The following STARD13 variants were observed in gnomAD, a reference collection of about 807,000 sequenced individuals.
STARD13 encodes the protein StAR related lipid transfer domain containing 13, also known as stAR-related lipid transfer protein 13.
In STARD13, 62 loss-of-function variants were observed where a neutral mutation model predicts 106.4. The ratio of observed to expected loss-of-function variants is 0.58; its 90% CI spans 0.48 to 0.72. The LOEUF (loss-of-function observed/expected upper bound fraction) is 0.72, where lower values mean the gene tolerates loss of function less well. STARD13 is among the 30% of genes least tolerant of loss of function. STARD13 has a pLI of 0.00. For missense variants in STARD13, 1,387 were observed against 1,424.0 expected (o/e 0.97, Z 0.42); for synonymous variants, 565 against 553.0 (o/e 1.02, Z -0.31).
the STARD13 span, among the ~76,000 whole-genome samples, chr13:33,517,880 C>A: frequency 6.6e-6 from 1 of 152,056 alleles, no homozygotes; most frequent in African/African-American, 2.4e-5. Flanking sequence ...CTCACAATAA[C>A]CAGACTGTAC....
At chr13:33,474,268 T>C in the STARD13 span, among the ~76,000 whole-genome samples, 15 of 152,292 alleles carry the variant, frequency 9.8e-5, no homozygotes, top group East Asian at 2.7e-3. Context: ...CTTTGGACTC[T>C]GGGGAGATAT....
chr13:33,277,362 A>G (rs1891499728), intron 1 of STARD13: 1 of 152,214 alleles, frequency 6.6e-6, no homozygotes, highest in African/African-American at 2.4e-5. Context: ...AGTTGTCTCC[A>G]TAACTAAAGC....
chr13:33,303,903 A>G lies in STARD13; in HGVS notation c.124+46387T>C, dbSNP rs761195520. Among the ~76,000 whole-genome samples, 113 of 152,296 alleles carry G rather than the reference A, an allele frequency of 7.4e-4. 1 individual carries two copies. Among genetic ancestry groups the G allele is most frequent in the Middle Eastern group, 6.8e-3 (2 of 294 alleles). ...GGACTCTTAGGAGACTTCAAATTCTATATTACTCAAGGTGAGGTCAAGAAC... is the reference window on the plus strand; with the variant it reads ...GGACTCTTAGGAGACTTCAAATTCTGTATTACTCAAGGTGAGGTCAAGAAC... On this transcript the variant is annotated intron_variant, in intron 1 of 5. Coordinates refer to the STARD13 transcript ENST00000567873.
the STARD13 span, chr13:33,524,442 A>G: frequency 4.9e-5 from 9 of 183,654 alleles, no homozygotes; most frequent in Non-Finnish European, 9.0e-5. Context: ...AGTTCAAGTT[A>G]ATTAAAGACT....
intron 1 of STARD13, among the ~76,000 whole-genome samples, chr13:33,303,709 AGATTATT>A (rs1340766373): frequency 6.6e-6 from 1 of 152,136 alleles, no homozygotes; most frequent in African/African-American, 2.4e-5. Flanking sequence ...ACAATCAGGG[AGATTATT>A]CCTTCAAGCT....
chr13:33,635,858 C>G, the STARD13 span, among the ~76,000 whole-genome samples: 1 of 151,618 alleles, frequency 6.6e-6, no homozygotes, highest in Non-Finnish European at 1.5e-5. Flanking sequence ...GTGGCGGGCA[C>G]CTGTACTCCC....
the STARD13 span, among the ~76,000 whole-genome samples, chr13:33,513,777 AGATTTTT>A: frequency 6.6e-6 from 1 of 152,158 alleles, no homozygotes; most frequent in African/African-American, 2.4e-5. Flanking sequence ...GCTTCTGAGC[AGATTTTT>A]GTTCAACTTG....
chr13:33,535,783 C>T, the STARD13 span, among the ~76,000 whole-genome samples: 1 of 152,140 alleles, frequency 6.6e-6, no homozygotes, highest in African/African-American at 2.4e-5. Flanking sequence ...GAACTTTGCC[C>T]CCTTATTGAT....
the STARD13 span, among the ~76,000 whole-genome samples, chr13:33,669,176 A>G: frequency 6.6e-6 from 1 of 152,234 alleles, no homozygotes; most frequent in African/African-American, 2.4e-5. Flanking sequence ...GAATAGGACT[A>G]AAGACTCAGC....
At chr13:33,654,811 A>G in the STARD13 span, 4 of 152,268 alleles carry the variant, frequency 2.6e-5, no homozygotes, top group African/African-American at 7.2e-5. Flanking sequence ...ATTTTCTCAC[A>G]GCACTGGGTC....
intron 10 of STARD13, 73 bp from the exon 11 acceptor site, chr13:33,110,980 A>G: frequency 2.2e-6 from 3 of 1,381,044 alleles, no homozygotes; most frequent in Non-Finnish European, 3.1e-6. Flanking sequence ...AAGCAAAGCC[A>G]TTTCACCCAC....
At chr13:33,116,682 A>G (rs1476104781) in intron 8 of STARD13, among the ~76,000 whole-genome samples, 4 of 152,250 alleles carry the variant, frequency 2.6e-5, no homozygotes, top group Non-Finnish European at 5.9e-5. Flanking sequence ...CTTCCAAACC[A>G]TAAGGGAGAC....
the STARD13 span, among the ~76,000 whole-genome samples, chr13:33,429,553 A>G: frequency 2.0e-5 from 3 of 152,110 alleles, no homozygotes; most frequent in Non-Finnish European, 4.4e-5. Context: ...AAAATGTGGT[A>G]CATACACACA....
At chr13:33,172,590 G>A (rs1884092428) in intron 1 of STARD13, among the ~76,000 whole-genome samples, 1 of 152,140 alleles carries the variant, frequency 6.6e-6, no homozygotes, top group Non-Finnish European at 1.5e-5. Context: ...TTTTTAAGCT[G>A]GTGTGTCTAG....
intron 3 of STARD13, among the ~76,000 whole-genome samples, chr13:33,157,513 C>CA (rs1347139516): frequency 1.3e-5 from 2 of 151,978 alleles, no homozygotes; most frequent in African/African-American, 2.4e-5. Flanking sequence ...AATAAAAATA[C>CA]AAAAAATGTA....
the STARD13 span, among the ~76,000 whole-genome samples, chr13:33,645,288 C>A: frequency 6.6e-6 from 1 of 152,136 alleles, no homozygotes; most frequent in Admixed American, 6.5e-5. Context: ...GGCCTGGAAA[C>A]CACAGGGAGA....
intron 4 of STARD13, among the ~76,000 whole-genome samples, chr13:33,132,962 G>A (rs1430150572): frequency 1.3e-5 from 2 of 152,108 alleles, no homozygotes; most frequent in African/African-American, 2.4e-5. Context: ...GCTGAACGTT[G>A]AACTTATTGG....
chr13:33,277,051 A>AAG (rs10665326), intron 1 of STARD13, among the ~76,000 whole-genome samples: 21,164 of 89,590 alleles, frequency 0.24, 1,998 homozygotes, highest in Non-Finnish European at 0.37. Flanking sequence ...AGCTTCTGAA[A>AAG]AAAAAAAAAG....
At chr13:33,500,859 G>A in the STARD13 span, among the ~76,000 whole-genome samples, 1 of 151,968 alleles carries the variant, frequency 6.6e-6, no homozygotes, top group African/African-American at 2.4e-5. Flanking sequence ...TGGGGACATT[G>A]ATTCTCTTAC....
Sources: allele counts gnomAD v4.1 joint callset (sites outside exome capture counted in the v4.1 genomes callset), GRCh38; gene constraint gnomAD v4.1.1; transcripts MANE v1.5; gene names NCBI Gene and HGNC (gene_info 2026-07-23, HGNC 2026-07-21).